PRKG1: variants seen among roughly 807,000 people sequenced by gnomAD.
The protein encoded by PRKG1 is protein kinase cGMP-dependent 1, also known as cGMP-dependent protein kinase 1.
A neutral mutation model predicts 88.1 loss-of-function variants in PRKG1; 35 were observed. The ratio of observed to expected loss-of-function variants is 0.40; its 90% confidence interval spans 0.30 to 0.53. PRKG1 has a LOEUF of 0.53. Among genes scored for constraint, PRKG1 ranks in the 20% least tolerant of loss-of-function variants. The pLI, the probability that PRKG1 is intolerant of heterozygous loss-of-function variation, is 0.59. For synonymous variants in PRKG1, 303 were observed against 292.5 expected (o/e 1.04, Z -0.37); for missense variants, 540 against 839.8 (o/e 0.64, Z 4.41).
At chr10:51,280,505 A>C (rs1589309486) in intron 2 of PRKG1, among the ~76,000 whole-genome samples, 1 of 152,192 alleles carries the variant, frequency 6.6e-6, no homozygotes, top group Admixed American at 6.5e-5. Flanking sequence ...TTTCAGGTAC[A>C]CCAATCAGAT....
At chr10:51,004,715 T>C (rs1393748169) in intron 1 of PRKG1, among the ~76,000 whole-genome samples, 1 of 152,226 alleles carries the variant, frequency 6.6e-6, no homozygotes, top group African/African-American at 2.4e-5. Context: ...TGGTTTGATG[T>C]TTGTGGGTGT....
rs12263727 is a variant in PRKG1 at position 51,471,813 on chromosome 10, A to G, written c.592+3977A>G. 9.3e-3 allele frequency among the ~76,000 whole-genome samples: 1,411 copies of G among 151,968 alleles called. 17 individuals are homozygous for G. Among genetic ancestry groups the G allele is most frequent in the African/African-American group, 0.032 (1,331 of 41,502 alleles). ...TTCAACTAAACTCCAATGAAACCCA[A>G]TAAAAAGCACTTTTCAGGAAAACAT... On this transcript the variant is annotated intron_variant, in intron 3 of 17. Coordinates refer to ENST00000373980, the MANE Select transcript of PRKG1 (RefSeq NM_006258.4).
At chr10:51,606,082 T>C (rs988256921) in intron 3 of PRKG1, among the ~76,000 whole-genome samples, 3 of 152,182 alleles carry the variant, frequency 2.0e-5, no homozygotes, top group Admixed American at 6.5e-5. Context: ...ACATTGTTGG[T>C]TTATTTTTAT....
rs1840749772 is a variant in PRKG1 at position 51,858,274 on chromosome 10, T to TGTA, written c.699-49233_699-49232insGTA. On this transcript the variant is annotated intron_variant, in intron 4 of 17. Coordinates refer to ENST00000373980, the MANE Select transcript of PRKG1 (RefSeq NM_006258.4). The stretch of plus-strand genomic sequence containing the variant: ...CATATTATACATATATATAATATTA[T>TGTA]ACATATGTATAATTATACATATGTA... Among the ~76,000 whole-genome samples, 4 of 15,292 alleles carry TGTA rather than the reference T, an allele frequency of 2.6e-4. 1 individual carries two copies. Among genetic ancestry groups the TGTA allele is most frequent in the South Asian group, 2.8e-3 (1 of 356 alleles). The allele number at this position is 15,292 out of a possible 152,430, so 10.0% of individuals were successfully genotyped here. A position where few individuals can be genotyped will look rare whatever the true frequency, so the allele number is the denominator to read the frequency against.
intron 7 of PRKG1, among the ~76,000 whole-genome samples, chr10:52,125,486 A>G (rs970726128): frequency 7.2e-5 from 11 of 152,146 alleles, no homozygotes; most frequent in Admixed American, 1.3e-4. Context: ...TTTCCATTAG[A>G]GTAGCCCTCA....
At chr10:52,165,369 C>T (rs1480147542) in intron 9 of PRKG1, among the ~76,000 whole-genome samples, 1 of 152,000 alleles carries the variant, frequency 6.6e-6, no homozygotes, top group Non-Finnish European at 1.5e-5. Context: ...GTTGTTTCTC[C>T]GTATTGAATT....
At chr10:51,372,417 A>G (rs1842723745) in intron 2 of PRKG1, among the ~76,000 whole-genome samples, 1 of 152,140 alleles carries the variant, frequency 6.6e-6, no homozygotes, top group Non-Finnish European at 1.5e-5. Context: ...TAGCTTCTAT[A>G]TAGATTCTTT....
chr10:52,038,258 G>A (rs1017744064), intron 5 of PRKG1, among the ~76,000 whole-genome samples: 4 of 151,844 alleles, frequency 2.6e-5, no homozygotes, highest in Non-Finnish European at 5.9e-5. Flanking sequence ...AAGGAAGCAA[G>A]CCTAGAGAAA....
intron 9 of PRKG1, among the ~76,000 whole-genome samples, chr10:52,211,903 A>G (rs555873711): frequency 5.3e-5 from 8 of 152,114 alleles, no homozygotes; most frequent in Non-Finnish European, 1.0e-4. Context: ...AAAGATTTCT[A>G]TAAATCTTAT....
chr10:52,188,793 C>T (rs1839287736), intron 9 of PRKG1, among the ~76,000 whole-genome samples: 1 of 152,014 alleles, frequency 6.6e-6, no homozygotes, highest in African/African-American at 2.4e-5. Flanking sequence ...ACAAGGTGCA[C>T]ATCTTTCAAT....
At chr10:51,430,398 G>A (rs2132724288) in intron 2 of PRKG1, among the ~76,000 whole-genome samples, 1 of 152,270 alleles carries the variant, frequency 6.6e-6, no homozygotes, top group East Asian at 1.9e-4. Context: ...TCCAGCCTAG[G>A]TAACAGAGTG....
intron 3 of PRKG1, among the ~76,000 whole-genome samples, chr10:51,799,274 A>G (rs1222653526): frequency 1.3e-5 from 2 of 151,950 alleles, no homozygotes; most frequent in Non-Finnish European, 2.9e-5. Flanking sequence ...CCTCAGTATC[A>G]AGTTATAATT....
Position 52,154,085 on chromosome 10 carries a change from T to C in PRKG1, c.1002-7804T>C, listed in dbSNP as rs55794251. 9.6e-3 allele frequency among the ~76,000 whole-genome samples: 1,459 copies of C among 152,300 alleles called. 30 individuals carry two copies. The highest frequency in any genetic ancestry group is 0.034 in the African/African-American group (1,394 of 41,550). On this transcript the variant is annotated intron_variant, in intron 8 of 17. Transcript: ENST00000373980. ...ATTCAAAATGGAACAAGTGATGTTCTATTTTAGTTAATCCTTCATTAGTAG... is the reference window on the plus strand; with the variant it reads ...ATTCAAAATGGAACAAGTGATGTTCCATTTTAGTTAATCCTTCATTAGTAG...
chr10:51,978,969 T>A (rs1482607853), intron 5 of PRKG1, among the ~76,000 whole-genome samples: 4 of 152,132 alleles, frequency 2.6e-5, no homozygotes, highest in Non-Finnish European at 4.4e-5. Flanking sequence ...CTTGCCTGAT[T>A]GCTCTGGCCA....
At chr10:51,806,502 C>A (rs1589303443) in intron 4 of PRKG1, among the ~76,000 whole-genome samples, 1 of 152,182 alleles carries the variant, frequency 6.6e-6, no homozygotes, top group African/African-American at 2.4e-5. Context: ...CAGAGTTTAA[C>A]TGGCTGAATA....
At chr10:51,990,190 A>G (rs1298835694) in intron 5 of PRKG1, among the ~76,000 whole-genome samples, 1 of 151,990 alleles carries the variant, frequency 6.6e-6, no homozygotes. Flanking sequence ...TATTAATCTT[A>G]TATCTGTTTT....
intron 9 of PRKG1, among the ~76,000 whole-genome samples, chr10:52,224,086 G>T (rs928985163): frequency 2.0e-5 from 3 of 151,998 alleles, no homozygotes; most frequent in Non-Finnish European, 4.4e-5. Context: ...CTCTCCAGAG[G>T]CTCCTTTTTC....
At chr10:51,994,388 T>C (rs1238425577) in intron 5 of PRKG1, among the ~76,000 whole-genome samples, 3 of 152,144 alleles carry the variant, frequency 2.0e-5, no homozygotes, top group Non-Finnish European at 4.4e-5. Flanking sequence ...GAAAGAGATG[T>C]CCCTGTTATC....
intron 1 of PRKG1, among the ~76,000 whole-genome samples, chr10:51,147,481 A>C (rs959969850): frequency 6.6e-6 from 1 of 152,106 alleles, no homozygotes; most frequent in African/African-American, 2.4e-5. Flanking sequence ...TCTGAATGAC[A>C]TTTGGGCAAA....
Sources: allele counts gnomAD v4.1 joint callset (sites outside exome capture counted in the v4.1 genomes callset), GRCh38; gene constraint gnomAD v4.1.1; transcripts MANE v1.5; gene names NCBI Gene and HGNC (gene_info 2026-07-23, HGNC 2026-07-21).